Variants in STARD9 observed in about 807,000 individuals in gnomAD.
STARD9 encodes stAR-related lipid transfer protein 9.
In STARD9, 346 loss-of-function variants were observed where a neutral mutation model predicts 399.8. The observed-to-expected ratio is 0.87, with a 90% CI of 0.79 to 0.95. The LOEUF is 0.95. Among genes scored for constraint, STARD9 ranks in the 40% least tolerant of loss-of-function variants. The probability of loss-of-function intolerance (pLI) is 0.00; values close to 1 mark genes in which losing one functional copy is unlikely to be tolerated. For missense variants in STARD9, 5,832 were observed against 5,667.5 expected (o/e 1.03, Z -0.93); for synonymous variants, 2,203 against 2,143.5 (o/e 1.03, Z -0.77).
At position 42,686,959 on chromosome 15, in the gene STARD9, TGAA is replaced by T; in HGVS notation, c.5385_5387del (p.Lys1795del). On this transcript the variant is annotated inframe_deletion, in exon 23 of 33. Transcript: ENST00000290607. ...CACCAAGCTCTCCAAGGTGCTTATT[TGAA>T]GAATAATTTGCCAGTGCTGTTACAA... The T allele has an allele frequency of 6.5e-7, 1 of 1,536,496 alleles. No individual in the cohort carries two copies. Among genetic ancestry groups the T allele is most frequent in the Non-Finnish European group, 8.7e-7 (1 of 1,146,680 alleles).
At chr15:42,701,466 A>T (rs1256528256) in intron 26 of STARD9, among the ~76,000 whole-genome samples, 1 of 152,156 alleles carries the variant, frequency 6.6e-6, no homozygotes, top group Non-Finnish European at 1.5e-5. Context: ...CTCTTTGGTT[A>T]AATTTATTCC....
intron 9 of STARD9, among the ~76,000 whole-genome samples, chr15:42,658,933 G>A (rs772699524): frequency 6.6e-6 from 1 of 152,016 alleles, no homozygotes; most frequent in Non-Finnish European, 1.5e-5. Context: ...CCAAGATGGT[G>A]AAAACCCTGT....
At chr15:42,586,068 A>G (rs2058271883) in intron 3 of STARD9, among the ~76,000 whole-genome samples, 1 of 152,240 alleles carries the variant, frequency 6.6e-6, no homozygotes, top group South Asian at 2.1e-4. Context: ...GAAGGTGGGA[A>G]AAGACTGCTT....
At position 42,689,212 on chromosome 15, in the gene STARD9, C is replaced by A; in HGVS notation, c.7634C>A (p.Ala2545Glu). ...AGGCTGTTGGAGCCCTCTGACCATG[C>A]ATCCATGTGCCTGGCCATCTTGGAG... ...EPRLLEPSDH[A>E]SMCLAILEEI... The change falls in exon 23 of 33, where the codon GCA (alanine) becomes GAA (glutamate). Residue 2545 changes from alanine (A) to glutamate (E), a missense_variant. Physicochemically the swap from Ala to Glu is moderately radical, Grantham distance 107. Transcript: ENST00000290607. 1.3e-6 allele frequency: 2 copies of A among 1,537,308 alleles called. No homozygotes were observed. Among genetic ancestry groups the A allele is most frequent in the Middle Eastern group, 3.3e-4 (2 of 5,990 alleles).
At chr15:42,584,461 T>C (rs754679316) in intron 2 of STARD9, among the ~76,000 whole-genome samples, 2 of 152,240 alleles carry the variant, frequency 1.3e-5, no homozygotes, top group Non-Finnish European at 2.9e-5. Context: ...GATCAAACTT[T>C]AATCTGCCTT....
chr15:42,649,485 T>C (rs1178548687), intron 7 of STARD9, among the ~76,000 whole-genome samples: 2 of 152,212 alleles, frequency 1.3e-5, no homozygotes, highest in African/African-American at 4.8e-5. Context: ...TTCTCAGATA[T>C]CCATTTTATT....
In STARD9 at chr15:42,694,560, A is replaced by G. The variant is rs2060797565; in HGVS notation, c.12797A>G (p.Glu4266Gly). The change falls in exon 24 of 33, where the codon GAG becomes GGG. Residue 4266 changes from glutamate to glycine, a missense_variant. By Grantham distance (98) the Glu-to-Gly change is moderately conservative (BLOSUM62 -2). Around this residue, in one of 2 missense-constraint regions of STARD9, gnomAD observed 5,828 missense variants for 5,651.1 expected, o/e 1.03. Coordinates refer to ENST00000290607, the MANE Select transcript of STARD9 (RefSeq NM_020759.3). ...AAGGCCATTGAGACCCTCAGGAGAG[A>G]GCGGGCTGAGCGACTTGGGAACTTC... ...QKKAIETLRR[E>G]RAERLGNFCR... 6.5e-7 allele frequency: 1 copy of G among 1,537,126 alleles called. No individual in the cohort carries two copies. The highest frequency in any genetic ancestry group is 1.7e-4 in the Middle Eastern group (1 of 5,990).
intron 7 of STARD9, among the ~76,000 whole-genome samples, chr15:42,650,276 G>T (rs1331870265): frequency 6.6e-6 from 1 of 152,070 alleles, no homozygotes; most frequent in Non-Finnish European, 1.5e-5. Flanking sequence ...GTTATTTTGG[G>T]TGTAATTGTA....
chr15:42,712,193 T>A (rs2061256481), intron 26 of STARD9, among the ~76,000 whole-genome samples: 2 of 132,784 alleles, frequency 1.5e-5, no homozygotes, highest in South Asian at 4.7e-4. Context: ...TTTTGTCTAT[T>A]TTAAGATTCG....
intron 26 of STARD9, among the ~76,000 whole-genome samples, chr15:42,703,665 G>C (rs757222232): frequency 6.6e-6 from 1 of 151,710 alleles, no homozygotes; most frequent in African/African-American, 2.4e-5. Context: ...GGGCCACCGC[G>C]CCTGGCCACA....
rs375469449 is a variant in STARD9 at position 42,579,140 on chromosome 15, G to C, written c.47+3378G>C. Among the ~76,000 whole-genome samples, 399 of 152,290 alleles carry C rather than the reference G, an allele frequency of 2.6e-3. 1 individual carries two copies. The highest frequency in any genetic ancestry group is 9.4e-3 in the African/African-American group (390 of 41,550). The stretch of plus-strand genomic sequence containing the variant: ...ATTATGCCCATCAGTAGTCCCAGGA[G>C]AGGTAGGTGGGAAGGAGGGTGAATG... On this transcript the variant is annotated intron_variant, in intron 1 of 32. Coordinates refer to ENST00000290607, the MANE Select transcript of STARD9 (RefSeq NM_020759.3).
chr15:42,603,903 A>G (rs533415918), intron 3 of STARD9, among the ~76,000 whole-genome samples: 1 of 152,284 alleles, frequency 6.6e-6, no homozygotes, highest in South Asian at 2.1e-4. Context: ...GTTCCTATCT[A>G]TAGGAGCAAT....
intron 3 of STARD9, among the ~76,000 whole-genome samples, chr15:42,598,683 G>A (rs908884756): frequency 1.9e-4 from 29 of 152,096 alleles, no homozygotes; most frequent in African/African-American, 5.8e-4. Flanking sequence ...GATAGCCATC[G>A]CCTCAAACAT....
At chr15:42,577,193 G>A (rs1168758505) in intron 1 of STARD9, among the ~76,000 whole-genome samples, 1 of 150,464 alleles carries the variant, frequency 6.6e-6, no homozygotes. Context: ...TCGCTCTGTC[G>A]CCCAGGCTGG....
Position 42,718,352 on chromosome 15 carries a change from G to T in STARD9, c.13763-83G>T, listed in dbSNP as rs187655221. On this transcript the variant is annotated intron_variant, in intron 30 of 32. Transcript: ENST00000290607. Reference sequence around the variant, plus strand: ...CTAGGTGTCAAGTGATGGGGTGTTGGGGGGAGGGCTCCCTGACCAGGAAGG... The same window carrying T: ...CTAGGTGTCAAGTGATGGGGTGTTGTGGGGAGGGCTCCCTGACCAGGAAGG... 65 of 1,298,154 alleles carry T rather than the reference G, an allele frequency of 5.0e-5. 1 individual carries two copies. In the South Asian group the frequency reaches 5.2e-4, roughly 10 times the overall value. The allele number at this position is 1,298,154 out of a possible 1,614,324, so 80.4% of individuals were successfully genotyped here.
Position 42,684,253 on chromosome 15 carries a change from A to G in STARD9, c.2675A>G (p.Lys892Arg). ...SYPARTGCLR[K>R]NGLHSSGHGQ... The stretch of plus-strand genomic sequence containing the variant: ...CCTGCAAGGACAGGGTGCCTCCGCA[A>G]GAACGGCCTGCATTCCTCAGGTCAT... Residue 892 changes from lysine to arginine, a missense_variant, in exon 23 of 33, where the codon AAG becomes AGG. This residue lies in a region of STARD9 where 5,828 missense variants were observed against 5,651.1 expected (regional missense o/e 1.03). Transcript: ENST00000290607. The G allele has an allele frequency of 6.5e-7, 1 of 1,537,274 alleles. No homozygotes were observed. The highest frequency in any genetic ancestry group is 8.7e-7 in the Non-Finnish European group (1 of 1,146,914).
Position 42,691,041 on chromosome 15 carries a change from T to G in STARD9, c.9463T>G (p.Leu3155Val). The change falls in exon 23 of 33, where the codon TTG becomes GTG. Residue 3155 changes from leucine (L) to valine (V), a missense_variant. By Grantham distance (32) the Leu-to-Val change is conservative. This residue lies in a region of STARD9 where 5,828 missense variants were observed against 5,651.1 expected (regional missense o/e 1.03). Transcript: ENST00000290607. ...AAGTGAAGGGTCTGCTGAGAGCAAG[T>G]TGGTGGTAGAGCCACAGCATGAATG... ...DLSEGSAESK[L>V]VVEPQHECLE... 6.5e-7 allele frequency: 1 copy of G among 1,537,226 alleles called. No homozygotes were observed. The highest frequency in any genetic ancestry group is 8.7e-7 in the Non-Finnish European group (1 of 1,146,894).
chr15:42,600,236 T>C (rs2058594399), intron 3 of STARD9, among the ~76,000 whole-genome samples: 2 of 152,168 alleles, frequency 1.3e-5, no homozygotes, highest in Non-Finnish European at 1.5e-5. Flanking sequence ...GGATACTTAG[T>C]TGAGTCCAGC....
At chr15:42,660,642 G>C (rs1263482823) in intron 9 of STARD9, among the ~76,000 whole-genome samples, 1 of 150,842 alleles carries the variant, frequency 6.6e-6, no homozygotes, top group Non-Finnish European at 1.5e-5. Flanking sequence ...TAACAAAACC[G>C]ACATTGAATC....
Sources: allele counts gnomAD v4.1 joint callset (sites outside exome capture counted in the v4.1 genomes callset), GRCh38; gene constraint gnomAD v4.1.1; regional missense constraint gnomAD v4.1.1; transcripts MANE v1.5; gene names NCBI Gene and HGNC (gene_info 2026-07-23, HGNC 2026-07-21).